Variants in ZFP62 observed in about 807,000 individuals in gnomAD.
The protein encoded by ZFP62 is ZFP62 zinc finger protein.
Under a neutral mutation model 56.4 loss-of-function variants are expected in ZFP62, and 44 were observed. That is an observed-to-expected ratio of 0.78 (90% CI 0.61 to 1.00). ZFP62 has a LOEUF of 1.00. ZFP62 is among the 50% of genes least tolerant of loss of function. The pLI is 0.00. For missense variants in ZFP62, 1,030 were observed against 1,085.7 expected (o/e 0.95, Z 0.72); for synonymous variants, 421 against 388.9 (o/e 1.08, Z -0.97).
chr5:180,850,046 C>T lies in ZFP62; in HGVS notation c.1449G>A (p.Gly483=). 6.4e-7 allele frequency: 1 copy of T among 1,551,766 alleles called. No individual in the cohort carries two copies. Among genetic ancestry groups the T allele is most frequent in the South Asian group, 1.2e-5 (1 of 84,054 alleles). Residue 483 remains glycine (G), a synonymous_variant, in exon 2 of 2, where the codon GGG becomes GGA. Coordinates refer to ENST00000502412, the MANE Select transcript of ZFP62 (RefSeq NM_001172638.2). ...GEKPYKCDVC[G]KAYISRSSLK... is the part of the protein sequence containing the mutation. ...GGCTAGAGCGTGAGATATAGGCTTT[C>T]CCACACACATCACACTTATATGGTT...
chr5:180,852,554 C>CAAAAAAAA (rs36030316), intron 1 of ZFP62, among the ~76,000 whole-genome samples: 1 of 109,470 alleles, frequency 9.1e-6, no homozygotes, highest in Non-Finnish European at 1.9e-5. Context: ...CTCCGTCTCA[C>CAAAAAAAA]AAAAAAAAAA....
At position 180,850,665 on chromosome 5, in the gene ZFP62, C is replaced by T; in HGVS notation, c.830G>A (p.Gly277Glu). ...GLRVHKRIHT[G>E]EKPYECDICG... ...GATGTCGCATTCATAGGGCTTCTCCCCCGTGTGGATCCTTTTGTGGACTCT... is the reference window on the plus strand; with the variant it reads ...GATGTCGCATTCATAGGGCTTCTCCTCCGTGTGGATCCTTTTGTGGACTCT... The change falls in exon 2 of 2, where the codon GGG (glycine) becomes GAG (glutamate). Residue 277 changes from glycine to glutamate, a missense_variant. Physicochemically the swap from Gly to Glu is moderately conservative, Grantham distance 98. Transcript: ENST00000502412. 5.0e-6 allele frequency: 8 copies of T among 1,590,500 alleles called. No homozygotes were observed. Among genetic ancestry groups the T allele is most frequent in the Non-Finnish European group, 6.8e-6 (8 of 1,168,186 alleles).
At chr5:180,857,805 T>G (rs903936902) in intron 1 of ZFP62, among the ~76,000 whole-genome samples, 9 of 151,774 alleles carry the variant, frequency 5.9e-5, no homozygotes, top group African/African-American at 2.2e-4. Context: ...ACCTTTTTTT[T>G]TTTTTTTTAA....
At chr5:180,829,320 G>A in the ZFP62 span, among the ~76,000 whole-genome samples, 3 of 151,664 alleles carry the variant, frequency 2.0e-5, no homozygotes, top group Non-Finnish European at 2.9e-5. Flanking sequence ...TTCCTCAGAA[G>A]CATGTGATCT....
At chr5:180,839,341 T>A in the ZFP62 span, among the ~76,000 whole-genome samples, 1 of 152,220 alleles carries the variant, frequency 6.6e-6, no homozygotes, top group East Asian at 1.9e-4. Flanking sequence ...TTTGTATGAA[T>A]TCCTTAAAGC....
chr5:180,839,526 C>T, the ZFP62 span, among the ~76,000 whole-genome samples: 2 of 152,092 alleles, frequency 1.3e-5, no homozygotes, highest in African/African-American at 4.8e-5. Context: ...AACCAAATAC[C>T]GCATGTTTTC....
At chr5:180,855,148 T>C (rs1773902565) in intron 1 of ZFP62, among the ~76,000 whole-genome samples, 1 of 152,214 alleles carries the variant, frequency 6.6e-6, no homozygotes, top group Admixed American at 6.5e-5. Flanking sequence ...CTTGCATGTA[T>C]GAAAGAGAGA....
chr5:180,836,850 CAATT>C, the ZFP62 span, among the ~76,000 whole-genome samples: 11 of 152,184 alleles, frequency 7.2e-5, no homozygotes, highest in African/African-American at 1.2e-4. Flanking sequence ...CCACAGCATT[CAATT>C]AATTTCCTGT....
chr5:180,840,452 C>CTCT, the ZFP62 span, among the ~76,000 whole-genome samples: 22 of 152,240 alleles, frequency 1.4e-4, no homozygotes, highest in Non-Finnish European at 2.5e-4. Flanking sequence ...GGAAACGTAA[C>CTCT]TCTTCCCATA....
At chr5:180,838,000 G>A in the ZFP62 span, among the ~76,000 whole-genome samples, 8 of 152,146 alleles carry the variant, frequency 5.3e-5, no homozygotes, top group Non-Finnish European at 7.4e-5. Flanking sequence ...TAAAGTTGTT[G>A]AGGATGTTGA....
chr5:180,849,177 G>T lies in ZFP62; in HGVS notation c.2318C>A (p.Thr773Lys), dbSNP rs1228312200. Reference sequence around the variant, plus strand: ...ACCTGTGTGGATCCTTTTATGCACTGTGAGGCCTGAGCTGTTCCTGAAGGC... The same window carrying T: ...ACCTGTGTGGATCCTTTTATGCACTTTGAGGCCTGAGCTGTTCCTGAAGGC... ...GKAFRNSSGLTVHKRIHTGEK... is the reference protein window; with the variant it reads ...GKAFRNSSGLKVHKRIHTGEK... Residue 773 changes from threonine to lysine, a missense_variant, in exon 2 of 2, where the codon ACA becomes AAA. Physicochemically the swap from Thr to Lys is moderately conservative, Grantham distance 78. Transcript: ENST00000502412. The T allele has an allele frequency of 1.3e-6, 2 of 1,562,668 alleles. No homozygotes were observed. The highest frequency in any genetic ancestry group is 2.4e-5 in the South Asian group (2 of 84,686).
rs1242430350 is a variant in ZFP62, at chr5:180,848,657, A to T, written c.*135T>A. 7.2e-7 allele frequency: 1 copy of T among 1,383,328 alleles called. No individual in the cohort carries two copies. Among genetic ancestry groups the T allele is most frequent in the African/African-American group, 1.4e-5 (1 of 69,228 alleles). The allele number at this position is 1,383,328 out of a possible 1,614,324, so 85.7% of individuals were successfully genotyped here. On this transcript the variant is annotated 3_prime_UTR_variant, in exon 2 of 2. Transcript: ENST00000502412. ...TGCTTGCTATGATTGAAAATCACAT[A>T]GAAAGGATTCCTCATAATCCTCTAG...
the ZFP62 span, chr5:180,830,426 G>A: frequency 6.6e-6 from 1 of 152,410 alleles, no homozygotes; most frequent in Non-Finnish European, 1.5e-5. Context: ...AGGGAAGAAA[G>A]GGGCACAAGA....
At chr5:180,833,066 C>T in the ZFP62 span, among the ~76,000 whole-genome samples, 5 of 152,180 alleles carry the variant, frequency 3.3e-5, no homozygotes, top group African/African-American at 1.2e-4. Flanking sequence ...CAGCAGTCTC[C>T]TGGTTCATTC....
rs1773672474 is a variant in ZFP62, at chr5:180,850,999, C to T, written c.496G>A (p.Glu166Lys). The T allele has an allele frequency of 2.6e-6, 4 of 1,551,926 alleles. No homozygotes were observed. Among genetic ancestry groups the T allele is most frequent in the Non-Finnish European group, 3.5e-6 (4 of 1,147,152 alleles). The change falls in exon 2 of 2, where the codon GAA becomes AAA. Residue 166 changes from glutamate (E) to lysine (K), a missense_variant. By Grantham distance (56) the Glu-to-Lys change is moderately conservative. Coordinates refer to ENST00000502412, the MANE Select transcript of ZFP62 (RefSeq NM_001172638.2). ...LVQHKIMHTGEKRYECDDCGG... is the reference protein window; with the variant it reads ...LVQHKIMHTGKKRYECDDCGG... Reference sequence around the variant, plus strand: ...CAGTCATCACATTCATAGCGCTTTTCCCCAGTGTGCATAATTTTATGTTGA... The same window carrying T: ...CAGTCATCACATTCATAGCGCTTTTTCCCAGTGTGCATAATTTTATGTTGA...
downstream of ZFP62, among the ~76,000 whole-genome samples, chr5:180,842,687 G>C (rs1049986999): frequency 2.0e-5 from 3 of 152,190 alleles, no homozygotes; most frequent in African/African-American, 7.2e-5. Flanking sequence ...TCTAAAGAAA[G>C]TTTTCTAGAG....
intron 1 of ZFP62, among the ~76,000 whole-genome samples, chr5:180,858,493 C>G (rs1484055701): frequency 6.6e-6 from 1 of 151,736 alleles, no homozygotes; most frequent in African/African-American, 2.4e-5. Flanking sequence ...GTTCCAGCTA[C>G]TCGACTTGGG....
chr5:180,853,698 G>GTT (rs1416120743), intron 1 of ZFP62, among the ~76,000 whole-genome samples: 1 of 152,178 alleles, frequency 6.6e-6, no homozygotes, highest in Non-Finnish European at 1.5e-5. Context: ...ATTTGACTAC[G>GTT]TAAGTACATT....
At chr5:180,857,725 G>A (rs1774064170) in intron 1 of ZFP62, among the ~76,000 whole-genome samples, 1 of 151,350 alleles carries the variant, frequency 6.6e-6, no homozygotes, top group South Asian at 2.1e-4. Flanking sequence ...TCCAACGCCT[G>A]ACCTCAGGGG....
Sources: gnomAD v4.1 joint callset for allele counts (sites outside exome capture counted in the v4.1 genomes callset) on GRCh38, gnomAD v4.1.1 for gene constraint, MANE v1.5 for transcripts, NCBI Gene and HGNC (gene_info 2026-07-23, HGNC 2026-07-21) for gene names.